The following AMHR2 variants were observed in gnomAD, a reference collection of about 807,000 sequenced individuals.
AMHR2 encodes anti-Muellerian hormone type-2 receptor.
In AMHR2, 36 loss-of-function variants were observed where a neutral mutation model predicts 61.4. The ratio of observed to expected loss-of-function variants is 0.59; its 90% CI spans 0.45 to 0.77. The LOEUF is 0.77. Among genes scored for constraint, AMHR2 ranks in the 30% least tolerant of loss-of-function variants. The pLI, the probability that AMHR2 is intolerant of heterozygous loss-of-function variation, is 0.00. For missense variants in AMHR2, 638 were observed against 714.6 expected, an observed-to-expected ratio of 0.89 and a Z score of 1.22; for synonymous variants, 258 against 279.4, an observed-to-expected ratio of 0.92 and a Z score of 0.76.
chr12:53,425,177 G>T lies in AMHR2; in HGVS notation c.437G>T (p.Trp146Leu). ...CCTTGATGTCCAGGTGAGTCCATCT[G>T]GATGGCACTGGTGCTGCTGGGGCTG... Reference protein sequence around the residue: ...GPQAAPGESIWMALVLLGLFL... With the variant: ...GPQAAPGESILMALVLLGLFL... Residue 146 changes from tryptophan (W) to leucine (L), a missense_variant, in exon 4 of 11, where the codon TGG (tryptophan) becomes TTG (leucine). Physicochemically the swap from Trp to Leu is moderately conservative, Grantham distance 61 (BLOSUM62 -2). Coordinates refer to ENST00000257863, the MANE Select transcript of AMHR2 (RefSeq NM_020547.3). 1 of 1,613,930 alleles carries T rather than the reference G, an allele frequency of 6.2e-7. No homozygotes were observed. Among genetic ancestry groups the T allele is most frequent in the Middle Eastern group, 1.6e-4 (1 of 6,062 alleles).
At position 53,424,327 on chromosome 12, in the gene AMHR2, C is replaced by G; in HGVS notation, c.89C>G (p.Pro30Arg). ...CGAACCTGTGTGTTCTTTGAGGCCC[C>G]TGGAGTGCGGGGAAGCACAAAGACA... ...NRRTCVFFEA[P>R]GVRGSTKTLG... Residue 30 changes from proline to arginine, a missense_variant, in exon 2 of 11, where the codon CCT (proline) becomes CGT (arginine). Pro to Arg is a moderately radical substitution (Grantham distance 103). Coordinates refer to ENST00000257863, the MANE Select transcript of AMHR2 (RefSeq NM_020547.3). 6.2e-7 allele frequency: 1 copy of G among 1,613,016 alleles called. No individual in the cohort carries two copies. Among genetic ancestry groups the G allele is most frequent in the Non-Finnish European group, 8.5e-7 (1 of 1,180,038 alleles).
At chr12:53,427,899 G>A (rs1014758279) in intron 6 of AMHR2, among the ~76,000 whole-genome samples, 2 of 152,116 alleles carry the variant, frequency 1.3e-5, no homozygotes, top group South Asian at 2.1e-4. Flanking sequence ...CTCTGTCCAC[G>A]TGGAAGAGCT....
chr12:53,431,344 A>G lies in AMHR2; in HGVS notation c.1593A>G (p.Glu531=). Residue 531 remains glutamate, a synonymous_variant, in exon 11 of 11, where the codon GAA becomes GAG. Transcript: ENST00000257863. ...CPRGCPPLCP[E]DCTSIPAPTI... is the part of the protein sequence containing the mutation. ...GTGGCTGCCCACCTCTCTGCCCAGA[A>G]GACTGTACTTCAATTCCTGCCCCTA... The G allele has an allele frequency of 6.2e-7, 1 of 1,614,198 alleles. No individual in the cohort carries two copies. The highest frequency in any genetic ancestry group is 8.5e-7 in the Non-Finnish European group (1 of 1,180,030).
intron 10 of AMHR2, 58 bp from the exon 11 acceptor site, chr12:53,431,119 A>T: frequency 6.2e-7 from 1 of 1,600,556 alleles, no homozygotes; most frequent in Admixed American, 1.7e-5. Context: ...ATGGCTTTTA[A>T]CCCTGGGGCC....
Position 53,425,316 on chromosome 12 carries a change from C to G in AMHR2, c.502+74C>G, listed in dbSNP as rs529627721. On this transcript the variant is annotated intron_variant, in intron 4 of 10. Coordinates refer to ENST00000257863, the MANE Select transcript of AMHR2 (RefSeq NM_020547.3). ...AAAGCTCTGACCCCTCTCCAGGCAC[C>G]CCTGACCCCATGGTCTTGGGATCTC... 22 of 1,608,306 alleles carry G rather than the reference C, an allele frequency of 1.4e-5. No individual in the cohort carries two copies. In the East Asian group the frequency reaches 4.2e-4, roughly 31 times the overall value.
chr12:53,425,326 A>T, intron 4 of AMHR2, 84 bp downstream of exon 4: 1 of 1,606,788 alleles, frequency 6.2e-7, no homozygotes, highest in East Asian at 2.2e-5. Context: ...CCCTGACCCC[A>T]TGGTCTTGGG....
At position 53,429,348 on chromosome 12, in the gene AMHR2, C is replaced by T. The variant is rs1396083876; in HGVS notation, c.968-105C>T. The stretch of plus-strand genomic sequence containing the variant: ...CGGAGGTTGCAGTGAGCCGAGATCG[C>T]GACACTGCACTCCAGCCTGGGCGAC... On this transcript the variant is annotated intron_variant, in intron 7 of 10. Coordinates refer to ENST00000257863, the MANE Select transcript of AMHR2 (RefSeq NM_020547.3). 3.1e-5 allele frequency: 39 copies of T among 1,272,716 alleles called. 1 individual carries two copies. The highest frequency in any genetic ancestry group is 1.6e-4 in the Admixed American group (9 of 57,370). 78.8% of individuals were successfully genotyped at this position (1,272,716 alleles called of 1,614,324 possible).
In AMHR2 at chr12:53,425,563, G is replaced by T; in HGVS notation, c.611G>T (p.Cys204Phe). 1 of 1,614,000 alleles carries T rather than the reference G, an allele frequency of 6.2e-7. No homozygotes were observed. Among genetic ancestry groups the T allele is most frequent in the East Asian group, 2.2e-5 (1 of 44,876 alleles). The change falls in exon 5 of 11, where the codon TGT becomes TTT. Residue 204 changes from cysteine (C) to phenylalanine (F), a missense_variant. Coordinates refer to ENST00000257863, the MANE Select transcript of AMHR2 (RefSeq NM_020547.3). Reference protein sequence around the residue: ...SVELQELPELCFSQVIREGGH... With the variant: ...SVELQELPELFFSQVIREGGH... ...GAGCTGCAGGAGCTGCCTGAGCTGT[G>T]TTTCTCCCAGGTGCCCCAGGGAGGG...
rs762132692 is a variant in AMHR2, at chr12:53,424,336, G to A, written c.98G>A (p.Arg33Gln). The change falls in exon 2 of 11, where the codon CGG (arginine) becomes CAG (glutamine). Residue 33 changes from arginine to glutamine, a missense_variant. Arg to Gln is a conservative substitution (Grantham distance 43). Transcript: ENST00000257863. Reference protein sequence around the residue: ...TCVFFEAPGVRGSTKTLGELL... With the variant: ...TCVFFEAPGVQGSTKTLGELL... Reference sequence around the variant, plus strand: ...GTGTTCTTTGAGGCCCCTGGAGTGCGGGGAAGCACAAAGACACTGGGAGAG... The same window carrying A: ...GTGTTCTTTGAGGCCCCTGGAGTGCAGGGAAGCACAAAGACACTGGGAGAG... 42 of 1,612,990 alleles carry A rather than the reference G, an allele frequency of 2.6e-5. No individual in the cohort carries two copies. Among genetic ancestry groups the A allele is most frequent in the African/African-American group, 1.9e-4 (14 of 74,862 alleles).
chr12:53,431,647 A>T lies in AMHR2; in HGVS notation c.*174A>T. 1 of 786,526 alleles carries T rather than the reference A, an allele frequency of 1.3e-6. No homozygotes were observed. Among genetic ancestry groups the T allele is most frequent in the Non-Finnish European group, 2.1e-6 (1 of 474,682 alleles). 48.7% of individuals were successfully genotyped at this position (786,526 alleles called of 1,614,324 possible). ...CTTGGGGTAGGTGTGCACAGGAAAG[A>T]GAATAAAGTCAGCTTTCCTGATGCA... is the stretch of plus-strand genomic sequence containing the variant. On this transcript the variant is annotated 3_prime_UTR_variant, in exon 11 of 11. Coordinates refer to ENST00000257863, the MANE Select transcript of AMHR2 (RefSeq NM_020547.3).
In AMHR2 at chr12:53,424,916, T is replaced by C. The variant is rs1334463226; in HGVS notation, c.424+16T>C. 6.2e-7 allele frequency: 1 copy of C among 1,606,810 alleles called. No individual in the cohort carries two copies. Among genetic ancestry groups the C allele is most frequent in the East Asian group, 2.2e-5 (1 of 44,850 alleles). On this transcript the variant is annotated intron_variant, in intron 3 of 10. Coordinates refer to ENST00000257863, the MANE Select transcript of AMHR2 (RefSeq NM_020547.3). ...GCTGCCCCAGGTAGCCACCCAAGGG[T>C]ACTGAAGCCTGATGGGGGCTGGGGC...
intron 9 of AMHR2, 52 bp from the exon 10 acceptor site, chr12:53,430,094 T>C: frequency 1.2e-6 from 2 of 1,614,108 alleles, no homozygotes; most frequent in Non-Finnish European, 1.7e-6. Flanking sequence ...CCTTTCTACA[T>C]GGTAGGCACC....
chr12:53,429,549 C>G lies in AMHR2; in HGVS notation c.1064C>G (p.Ala355Gly). 1 of 1,613,902 alleles carries G rather than the reference C, an allele frequency of 6.2e-7. No individual in the cohort carries two copies. Among genetic ancestry groups the G allele is most frequent in the Non-Finnish European group, 8.5e-7 (1 of 1,179,984 alleles). ...GSCAIGDLGL[A>G]LVLPGLTQPP... ...TGTGCCATTGGAGACCTGGGCCTTG[C>G]CTTGGTGCTCCCTGGCCTCACTCAG... is the stretch of plus-strand genomic sequence containing the variant. Residue 355 changes from alanine (A) to glycine (G), a missense_variant, in exon 8 of 11, where the codon GCC (alanine) becomes GGC (glycine). By Grantham distance (60) the Ala-to-Gly change is moderately conservative. Transcript: ENST00000257863.
chr12:53,427,547 G>A (rs564621222), intron 6 of AMHR2, among the ~76,000 whole-genome samples: 7 of 152,192 alleles, frequency 4.6e-5, no homozygotes, highest in South Asian at 4.1e-4. Flanking sequence ...GGATTAAGGC[G>A]TGCCGCCACT....
At chr12:53,424,650 A>G (rs1939376344) in intron 2 of AMHR2, 59 bp from the exon 3 acceptor site, 6 of 1,568,936 alleles carry the variant, frequency 3.8e-6, no homozygotes, top group Non-Finnish European at 5.2e-6. Context: ...TCCACACCCC[A>G]TTGTGCTTTC....
chr12:53,430,032 G>T, intron 9 of AMHR2, 54 bp downstream of exon 9: 2 of 1,614,130 alleles, frequency 1.2e-6, no homozygotes, highest in Admixed American at 1.7e-5. Flanking sequence ...CCCATTCTAG[G>T]TTCACCCCAA....
In AMHR2 at chr12:53,424,749, C is replaced by A. The variant is rs774586083; in HGVS notation, c.273C>A (p.His91Gln). 5.0e-6 allele frequency: 8 copies of A among 1,613,832 alleles called. No homozygotes were observed. The highest frequency in any genetic ancestry group is 6.8e-6 in the Non-Finnish European group (8 of 1,179,928). The change falls in exon 3 of 11, where the codon CAC becomes CAA. Residue 91 changes from histidine (H) to glutamine (Q), a missense_variant. Physicochemically the swap from His to Gln is conservative, Grantham distance 24 (BLOSUM62 0). Coordinates refer to ENST00000257863, the MANE Select transcript of AMHR2 (RefSeq NM_020547.3). ...ATGAGCCAGGCTGTGAGTCCCTCCA[C>A]TGTGACCCAAGTCCCCGAGCCCACC... ...DSDEPGCESL[H>Q]CDPSPRAHPS...
At chr12:53,426,373 C>T (rs201488787) in intron 6 of AMHR2, among the ~76,000 whole-genome samples, 2 of 151,946 alleles carry the variant, frequency 1.3e-5, no homozygotes, top group East Asian at 3.9e-4. Context: ...CCTGTAATCC[C>T]AGCACTTTGG....
chr12:53,424,755 C>T lies in AMHR2; in HGVS notation c.279C>T (p.Asp93=), dbSNP rs1159294756. ...CAGGCTGTGAGTCCCTCCACTGTGA[C>T]CCAAGTCCCCGAGCCCACCCCAGCC... ...DEPGCESLHC[D]PSPRAHPSPG... Residue 93 remains aspartate, a synonymous_variant, in exon 3 of 11, where the codon GAC becomes GAT. Transcript: ENST00000257863. 6.2e-7 allele frequency: 1 copy of T among 1,613,906 alleles called. No homozygotes were observed. The highest frequency in any genetic ancestry group is 2.2e-5 in the East Asian group (1 of 44,870).
Sources: gnomAD v4.1 joint callset for allele counts (sites outside exome capture counted in the v4.1 genomes callset) on GRCh38, gnomAD v4.1.1 for gene constraint, MANE v1.5 for transcripts, NCBI Gene and HGNC (gene_info 2026-07-23, HGNC 2026-07-21) for gene names.